The following GLIS3 variants were observed in gnomAD, a reference collection of about 807,000 sequenced individuals.
GLIS3 encodes zinc finger protein GLIS3.
In GLIS3, 53 loss-of-function variants were observed where a neutral mutation model predicts 78.6. The observed-to-expected ratio is 0.67, with a 90% CI of 0.54 to 0.85. The LOEUF is 0.85. Ranked by LOEUF, GLIS3 falls within the 40% of genes least tolerant of loss-of-function variation. The pLI is 0.00. For missense variants in GLIS3, 1,703 were observed against 1,231.1 expected (o/e 1.38, Z -5.74); for synonymous variants, 684 against 509.9 (o/e 1.34, Z -4.60).
chr9:3,876,522 CCTT>C (rs1261854948), intron 8 of GLIS3, among the ~76,000 whole-genome samples: 2 of 148,468 alleles, frequency 1.3e-5, no homozygotes, highest in Non-Finnish European at 3.0e-5. Flanking sequence ...AGGAGAATGT[CCTT>C]CTTAGGAGAT....
At chr9:4,488,515 G>GCT in the GLIS3 span, among the ~76,000 whole-genome samples, 7 of 135,346 alleles carry the variant, frequency 5.2e-5, no homozygotes, top group Middle Eastern at 3.8e-3. Flanking sequence ...TCTCGCGCAC[G>GCT]CTCTCTCTCT....
chr9:3,828,697 A>G (rs542040194), intron 10 of GLIS3, among the ~76,000 whole-genome samples: 1 of 152,350 alleles, frequency 6.6e-6, no homozygotes, highest in East Asian at 1.9e-4. Flanking sequence ...GCTGGTGTTA[A>G]GGTTGAGTCA....
upstream of GLIS3, among the ~76,000 whole-genome samples, chr9:4,303,182 C>T (rs546569904): frequency 1.3e-5 from 2 of 151,804 alleles, no homozygotes; most frequent in East Asian, 1.9e-4. Flanking sequence ...ACAAAGTGTC[C>T]GTGAAAAGAA....
At chr9:4,407,446 C>A in the GLIS3 span, among the ~76,000 whole-genome samples, 2 of 152,160 alleles carry the variant, frequency 1.3e-5, no homozygotes, top group Non-Finnish European at 2.9e-5. Context: ...GAGATCGAGA[C>A]CATCCTGGCT....
chr9:3,841,630 G>A (rs187495855), intron 9 of GLIS3, among the ~76,000 whole-genome samples: 192 of 152,304 alleles, frequency 1.3e-3, no homozygotes, highest in Admixed American at 2.9e-3. Context: ...AGAATGAAGG[G>A]TGGAGGATTT....
At chr9:3,945,555 T>A (rs983473223) in intron 4 of GLIS3, among the ~76,000 whole-genome samples, 1 of 152,184 alleles carries the variant, frequency 6.6e-6, no homozygotes, top group Non-Finnish European at 1.5e-5. Flanking sequence ...AGAATAAATT[T>A]GGAATCTGAC....
chr9:4,391,342 T>A, the GLIS3 span, among the ~76,000 whole-genome samples: 1 of 152,202 alleles, frequency 6.6e-6, no homozygotes, highest in Non-Finnish European at 1.5e-5. Context: ...CTTCCAAAGA[T>A]TGCTTGTCTA....
At chr9:4,328,955 C>G (rs1375182247) in intron 2 of GLIS3, among the ~76,000 whole-genome samples, 1 of 152,188 alleles carries the variant, frequency 6.6e-6, no homozygotes, top group Non-Finnish European at 1.5e-5. Flanking sequence ...CTCATAAGCT[C>G]CAGCAACCAC....
chr9:4,063,961 C>T lies in GLIS3; in HGVS notation c.1710+53807G>A, dbSNP rs1023693212. On this transcript the variant is annotated intron_variant, in intron 4 of 10. Coordinates refer to ENST00000381971, the MANE Select transcript of GLIS3 (RefSeq NM_001042413.2). ...ACAGATCACAAAATTTCCTGTTTAG[C>T]GAAACAGAAAAGGTCCTGTTCCAGA... is the stretch of plus-strand genomic sequence containing the variant. Among the ~76,000 whole-genome samples the T allele has an allele frequency of 5.3e-5, 8 of 151,922 alleles. No homozygotes were observed. The East Asian group carries it at 9.7e-4, about 18-fold the overall frequency.
the GLIS3 span, among the ~76,000 whole-genome samples, chr9:4,488,554 C>T: frequency 5.9e-5 from 9 of 152,100 alleles, no homozygotes; most frequent in East Asian, 1.9e-4. Context: ...GGTTTCCCTC[C>T]GGTCGCCCAG....
chr9:4,260,442 C>G (rs1825407504), intron 2 of GLIS3, among the ~76,000 whole-genome samples: 1 of 151,932 alleles, frequency 6.6e-6, no homozygotes, highest in Non-Finnish European at 1.5e-5. Context: ...TGGCAGGTGC[C>G]TGTAATCCCA....
At chr9:4,418,719 C>T in the GLIS3 span, among the ~76,000 whole-genome samples, 2,467 of 151,958 alleles carry the variant, frequency 0.016, 75 homozygotes, top group African/African-American at 0.057. Context: ...CAAAAAAAAA[C>T]ATATTGGAGA....
At chr9:4,066,130 C>G (rs144288384) in intron 4 of GLIS3, among the ~76,000 whole-genome samples, 1 of 151,390 alleles carries the variant, frequency 6.6e-6, no homozygotes, top group South Asian at 2.1e-4. Flanking sequence ...CTATTTAATG[C>G]CTATTTCAAT....
intron 4 of GLIS3, among the ~76,000 whole-genome samples, chr9:4,089,231 T>A (rs1052011782): frequency 1.3e-5 from 2 of 152,174 alleles, no homozygotes; most frequent in African/African-American, 4.8e-5. Flanking sequence ...ATTGTATAAA[T>A]GGAACAGTAC....
intron 4 of GLIS3, among the ~76,000 whole-genome samples, chr9:4,064,431 T>C (rs955579298): frequency 1.3e-5 from 2 of 152,214 alleles, no homozygotes; most frequent in Admixed American, 1.3e-4. Flanking sequence ...GATACTTACA[T>C]AAAATGCATG....
chr9:4,450,957 C>T, the GLIS3 span, among the ~76,000 whole-genome samples: 1 of 152,268 alleles, frequency 6.6e-6, no homozygotes, highest in African/African-American at 2.4e-5. Context: ...GGTAAAATAA[C>T]CAGCTAACAT....
chr9:4,257,586 T>TTGTTG (rs376998444), intron 2 of GLIS3, among the ~76,000 whole-genome samples: 12,448 of 150,432 alleles, frequency 0.083, 735 homozygotes, highest in Non-Finnish European at 0.12. Context: ...GTTGTTGTTA[T>TTGTTG]TTTTTGAGAC....
At position 4,299,500 on chromosome 9, in the gene GLIS3, GC is replaced by G. The variant is rs1816928496; in HGVS notation, c.-179del. On this transcript the variant is annotated 5_prime_UTR_variant, in exon 1 of 11. Coordinates refer to ENST00000381971, the MANE Select transcript of GLIS3 (RefSeq NM_001042413.2). ...CGGCCAGCGCGAGTGACAGCGGGCGGCCGGCGCTGGCGAGGAGTAACTTGGG... is the reference window on the plus strand; with the variant it reads ...CGGCCAGCGCGAGTGACAGCGGGCGGCGGCGCTGGCGAGGAGTAACTTGGG... 6.5e-6 allele frequency: 1 copy of G among 152,686 alleles called. No individual in the cohort carries two copies. The highest frequency in any genetic ancestry group is 1.9e-4 in the East Asian group (1 of 5,152). The allele number at this position is 152,686 out of a possible 1,614,324, so 9.5% of individuals were successfully genotyped here.
intron 7 of GLIS3, among the ~76,000 whole-genome samples, chr9:3,894,928 CT>C (rs1822717630): frequency 6.6e-6 from 1 of 152,310 alleles, no homozygotes; most frequent in South Asian, 2.1e-4. Flanking sequence ...CTCAACCACA[CT>C]GGCCTCTATG....
Sources: allele counts gnomAD v4.1 joint callset (sites outside exome capture counted in the v4.1 genomes callset), GRCh38; gene constraint gnomAD v4.1.1; transcripts MANE v1.5; gene names NCBI Gene and HGNC (gene_info 2026-07-23, HGNC 2026-07-21).